Variants in PSMC4 observed in about 807,000 individuals in gnomAD.
PSMC4 encodes 26S proteasome regulatory subunit 6B.
In PSMC4, 13 loss-of-function variants were observed where a neutral mutation model predicts 48.4. The observed-to-expected ratio is 0.27, with a 90% confidence interval of 0.18 to 0.43. The LOEUF is 0.43. PSMC4 is among the 20% of genes least tolerant of loss of function. PSMC4 has a pLI of 1.00. For synonymous variants in PSMC4, 202 were observed against 212.3 expected, an observed-to-expected ratio of 0.95 and a Z score of 0.42; for missense variants, 262 against 555.9, an observed-to-expected ratio of 0.47 and a Z score of 5.32.
rs1568373390 is a variant in PSMC4 at position 39,971,367 on chromosome 19, T to C, written c.36+129T>C. 9.0e-6 allele frequency: 10 copies of C among 1,109,704 alleles called. No homozygotes were observed. The East Asian group carries it at 2.4e-4, about 27-fold the overall frequency. The allele number at this position is 1,109,704 out of a possible 1,614,324, so 68.7% of individuals were successfully genotyped here. ...GTTGGGGTTATTTTAGAGGCCTCGG[T>C]GGAGAGCTTTGTGCCATTCGAAGGC... On this transcript the variant is annotated intron_variant, in intron 1 of 10. Transcript: ENST00000157812.
intron 6 of PSMC4, among the ~76,000 whole-genome samples, chr19:39,977,841 A>G (rs757215014): frequency 1.3e-5 from 2 of 151,690 alleles, no homozygotes; most frequent in African/African-American, 4.8e-5. Flanking sequence ...AAAGAGAGAT[A>G]GGGTCTTGTT....
intron 2 of PSMC4, 36 bp downstream of exon 2, chr19:39,972,280 C>G: frequency 1.2e-6 from 2 of 1,610,406 alleles, no homozygotes; most frequent in Admixed American, 1.7e-5. Context: ...TTGCACAGGA[C>G]CTGACATCTC....
intron 3 of PSMC4, among the ~76,000 whole-genome samples, chr19:39,972,871 A>G (rs1268359169): frequency 6.6e-6 from 1 of 151,740 alleles, no homozygotes; most frequent in African/African-American, 2.4e-5. Flanking sequence ...TCAGCCTCCC[A>G]AGTAGCTGGG....
chr19:39,972,770 CAG>C (rs1971124286), intron 3 of PSMC4, among the ~76,000 whole-genome samples: 1 of 151,548 alleles, frequency 6.6e-6, no homozygotes, highest in East Asian at 1.9e-4. Context: ...TGTTTTGAGA[CAG>C]AGTTTTGCTC....
chr19:39,971,415 G>A (rs997001704), intron 1 of PSMC4, among the ~76,000 whole-genome samples, 177 bp downstream of exon 1: 2 of 152,126 alleles, frequency 1.3e-5, no homozygotes, highest in African/African-American at 4.8e-5. Context: ...CCGAGTGATG[G>A]TAGGAGGTAA....
At position 39,980,470 on chromosome 19, in the gene PSMC4, A is replaced by G. The variant is rs1483212206; in HGVS notation, c.1087+16A>G. On this transcript the variant is annotated intron_variant, in intron 9 of 10. Coordinates refer to ENST00000157812, the MANE Select transcript of PSMC4 (RefSeq NM_006503.4). This position sits in a 1 kb window ranked among gnomAD's most constrained non-coding sequence, Gnocchi z 4.8. ...TTGGAAGACTGTATCCTGCTCCAGA[A>G]GTCAGGGAGGGGCCCTAGTTGGGAA... 1.9e-6 allele frequency: 3 copies of G among 1,613,624 alleles called. No homozygotes were observed. Among genetic ancestry groups the G allele is most frequent in the Non-Finnish European group, 2.5e-6 (3 of 1,179,678 alleles).
Position 39,972,574 on chromosome 19 carries a change from A to G in PSMC4, c.322+19A>G. The G allele has an allele frequency of 6.3e-7, 1 of 1,594,428 alleles. No individual in the cohort carries two copies. Among genetic ancestry groups the G allele is most frequent in the Non-Finnish European group, 8.6e-7 (1 of 1,166,706 alleles). On this transcript the variant is annotated intron_variant, in intron 3 of 10. Transcript: ENST00000157812. ...ACCACAGGTGTGCTAAGGACACCTC[A>G]TTCATTCATCTGTCCACTTAACAAC...
chr19:39,981,159 A>G (rs772050949), intron 10 of PSMC4, 33 bp from the exon 11 acceptor site: 5 of 1,554,432 alleles, frequency 3.2e-6, no homozygotes, highest in Non-Finnish European at 4.4e-6. Context: ...GCCCTGCCAC[A>G]GGAAGTAGAT....
Position 39,972,154 on chromosome 19 carries a change from C to T in PSMC4, c.45C>T (p.Ile15=), listed in dbSNP as rs1158331965. ...TATCCCCTTTCGTCTAGGATGAGATCCCAGCACTGTCCGTGTCCCGGCCCC... is the reference window on the plus strand; with the variant it reads ...TATCCCCTTTCGTCTAGGATGAGATTCCAGCACTGTCCGTGTCCCGGCCCC... The part of the protein sequence containing the change: ...GILVEKAQDE[I]PALSVSRPQT... Residue 15 remains isoleucine (I), a synonymous_variant, in exon 2 of 11, where the codon ATC becomes ATT. Coordinates refer to ENST00000157812, the MANE Select transcript of PSMC4 (RefSeq NM_006503.4). 1.2e-6 allele frequency: 2 copies of T among 1,613,942 alleles called. No homozygotes were observed. Among genetic ancestry groups the T allele is most frequent in the South Asian group, 2.2e-5 (2 of 91,076 alleles).
rs1269566821 is a variant in PSMC4 at position 39,973,589 on chromosome 19, A to AC, written c.323-705_323-704insC. On this transcript the variant is annotated intron_variant, in intron 3 of 10. Coordinates refer to ENST00000157812, the MANE Select transcript of PSMC4 (RefSeq NM_006503.4). ...CAGAGCAACACTCTGTCTAAAAAAAAAAAAAAAAAAAAAAATACTGGGCCC... is the reference window on the plus strand; with the variant it reads ...CAGAGCAACACTCTGTCTAAAAAAAACAAAAAAAAAAAAAAATACTGGGCCC... 2.6e-5 allele frequency among the ~76,000 whole-genome samples: 4 copies of AC among 151,722 alleles called. No homozygotes were observed. In the East Asian group the frequency reaches 7.7e-4, roughly 29 times the overall value.
chr19:39,975,239 C>G (rs147279732), intron 6 of PSMC4, among the ~76,000 whole-genome samples: 2,062 of 152,114 alleles, frequency 0.014, 41 homozygotes, highest in African/African-American at 0.047. Flanking sequence ...GATGTGCACA[C>G]TCATGTATAC....
chr19:39,979,121 TC>T (rs1223079749), intron 6 of PSMC4, among the ~76,000 whole-genome samples: 1 of 152,238 alleles, frequency 6.6e-6, no homozygotes, highest in East Asian at 1.9e-4. Flanking sequence ...AACTCAGAGC[TC>T]TTGGCGAGGC....
At position 39,980,445 on chromosome 19, in the gene PSMC4, T is replaced by G; in HGVS notation, c.1078T>G (p.Leu360Val). Residue 360 changes from leucine (L) to valine (V), a missense_variant, in exon 9 of 11, where the codon TTG (leucine) becomes GTG (valine). By Grantham distance (32) the Leu-to-Val change is conservative. Coordinates refer to ENST00000157812, the MANE Select transcript of PSMC4 (RefSeq NM_006503.4). The surrounding 1 kb of genome is among the most constrained non-coding windows in gnomAD (Gnocchi z 4.8). ...GATGAACCTCTCTGAGGAGGTTGAC[T>G]TGGAAGACTGTATCCTGCTCCAGAA... Reference protein sequence around the residue: ...SKMNLSEEVDLEDYVARPDKI... With the variant: ...SKMNLSEEVDVEDYVARPDKI... The G allele has an allele frequency of 1.2e-6, 2 of 1,614,052 alleles. No individual in the cohort carries two copies. The highest frequency in any genetic ancestry group is 1.7e-6 in the Non-Finnish European group (2 of 1,180,006).
rs1212527670 is a variant in PSMC4 at position 39,974,480 on chromosome 19, C to A, written c.469+40C>A. On this transcript the variant is annotated intron_variant, in intron 4 of 10. Transcript: ENST00000157812. This position sits in a 1 kb window ranked among gnomAD's most constrained non-coding sequence, Gnocchi z 5.5. ...TGCAGCTGGGAGGGCCCCATGGGGA[C>A]CTTGAGGACCTGGCCAGGAGCCCCA... 8.7e-6 allele frequency: 14 copies of A among 1,613,152 alleles called. No individual in the cohort carries two copies. Among genetic ancestry groups the A allele is most frequent in the Non-Finnish European group, 1.1e-5 (13 of 1,179,418 alleles).
chr19:39,973,474 C>T lies in PSMC4; in HGVS notation c.323-820C>T, dbSNP rs1271508685. Among the ~76,000 whole-genome samples the T allele has an allele frequency of 2.0e-5, 3 of 151,260 alleles. No homozygotes were observed. The Admixed American group carries it at 2.0e-4, about 10-fold the overall frequency. On this transcript the variant is annotated intron_variant, in intron 3 of 10. Transcript: ENST00000157812. ...TGGCACACACTTGCCATCCCAGCTACGCAGGTGGTTGAGGCACAGGATCTG... is the reference window on the plus strand; with the variant it reads ...TGGCACACACTTGCCATCCCAGCTATGCAGGTGGTTGAGGCACAGGATCTG...
chr19:39,972,178 C>T lies in PSMC4; in HGVS notation c.69C>T (p.Pro23=). The T allele has an allele frequency of 6.2e-7, 1 of 1,614,132 alleles. No individual in the cohort carries two copies. The highest frequency in any genetic ancestry group is 8.5e-7 in the Non-Finnish European group (1 of 1,180,020). The change falls in exon 2 of 11, where the codon CCC becomes CCT. Residue 23 remains proline, a synonymous_variant. Coordinates refer to ENST00000157812, the MANE Select transcript of PSMC4 (RefSeq NM_006503.4). ...DEIPALSVSR[P]QTGLSFLGPE... is the part of the protein sequence containing the mutation. The stretch of plus-strand genomic sequence containing the variant: ...TCCCAGCACTGTCCGTGTCCCGGCC[C>T]CAGACCGGCCTGTCCTTCCTGGGCC...
In PSMC4 at chr19:39,980,309, A is replaced by G. The variant is rs1489258379; in HGVS notation, c.942A>G (p.Ala314=). ...AGGTAATCATGGCCACAAACAGAGC[A>G]GACACCCTGGATCCGGCCCTGCTAC... The part of the protein sequence containing the change: ...NVKVIMATNR[A]DTLDPALLRP... Residue 314 remains alanine, a synonymous_variant, in exon 9 of 11, where the codon GCA becomes GCG. Coordinates refer to ENST00000157812, the MANE Select transcript of PSMC4 (RefSeq NM_006503.4). This position sits in a 1 kb window ranked among gnomAD's most constrained non-coding sequence, Gnocchi z 4.8. The G allele has an allele frequency of 6.2e-7, 1 of 1,614,068 alleles. No homozygotes were observed. The highest frequency in any genetic ancestry group is 1.1e-5 in the South Asian group (1 of 91,076).
Position 39,974,513 on chromosome 19 carries a change from T to C in PSMC4, c.470-11T>C. 6.2e-7 allele frequency: 1 copy of C among 1,613,550 alleles called. No homozygotes were observed. The highest frequency in any genetic ancestry group is 8.5e-7 in the Non-Finnish European group (1 of 1,179,732). On this transcript the variant is annotated splice_polypyrimidine_tract_variant and intron_variant, in intron 4 of 10. Transcript: ENST00000157812. The surrounding 1 kb of genome is among the most constrained non-coding windows in gnomAD (Gnocchi z 5.5). ...ACCTGGCCAGGAGCCCCAGCTCTGC[T>C]CTCCCACCAGACCAGAAGCCAGATG...
chr19:39,977,593 G>A (rs1228378207), intron 6 of PSMC4, among the ~76,000 whole-genome samples: 1 of 152,022 alleles, frequency 6.6e-6, no homozygotes, highest in African/African-American at 2.4e-5. Flanking sequence ...AGGCCGAGGT[G>A]GGCAGATCAC....
Sources: allele counts gnomAD v4.1 joint callset (sites outside exome capture counted in the v4.1 genomes callset), GRCh38; gene constraint gnomAD v4.1.1; non-coding constraint Gnocchi (gnomAD v3.1); transcripts MANE v1.5; gene names NCBI Gene and HGNC (gene_info 2026-07-23, HGNC 2026-07-21).